The following LPA variants were observed in gnomAD, a reference collection of about 807,000 sequenced individuals.
LPA encodes lipoprotein(a).
In LPA, 199 loss-of-function variants were observed where a neutral mutation model predicts 197.9. The ratio of observed to expected loss-of-function variants is 1.01; its 90% CI spans 0.90 to 1.13. The LOEUF is 1.13. LPA is among the 50% of genes most tolerant of loss of function. LPA has a pLI of 0.00. For synonymous variants in LPA, 715 were observed against 639.5 expected (o/e 1.12, Z -1.78); for missense variants, 1,853 against 1,785.8 (o/e 1.04, Z -0.68).
intron 30 of LPA, among the ~76,000 whole-genome samples, chr6:160,550,463 G>T (rs1778150720): frequency 6.6e-6 from 1 of 152,194 alleles, no homozygotes; most frequent in African/African-American, 2.4e-5. Flanking sequence ...CAGCAAGCTG[G>T]TTCTCCAAGC....
At chr6:160,539,339 T>C (rs1164044983) in intron 36 of LPA, among the ~76,000 whole-genome samples, 3 of 152,148 alleles carry the variant, frequency 2.0e-5, no homozygotes, top group African/African-American at 7.2e-5. Flanking sequence ...TAAGCAAAGG[T>C]ATCACTTTGT....
At chr6:160,553,396 G>C (rs10945675) in intron 30 of LPA, among the ~76,000 whole-genome samples, 35,606 of 151,756 alleles carry the variant, frequency 0.23, 4,490 homozygotes, top group Non-Finnish European at 0.28. Flanking sequence ...TTGTTTTTTT[G>C]CTTGTTTCCT....
intron 26 of LPA, among the ~76,000 whole-genome samples, chr6:160,584,533 T>C (rs570517579): frequency 3.9e-5 from 6 of 152,060 alleles, no homozygotes; most frequent in African/African-American, 1.4e-4. Flanking sequence ...GGTTTTGCCA[T>C]GTTAGCCAGG....
intron 28 of LPA, among the ~76,000 whole-genome samples, chr6:160,576,690 GTATA>G (rs71033585): frequency 3.9e-4 from 30 of 76,650 alleles, no homozygotes; most frequent in East Asian, 1.6e-3. Flanking sequence ...GTGTGTGTGT[GTATA>G]TATATATATA....
At chr6:160,584,771 A>G (rs41272118) in intron 26 of LPA, among the ~76,000 whole-genome samples, 6,161 of 152,286 alleles carry the variant, frequency 0.04, 397 homozygotes, top group African/African-American at 0.14. Context: ...ACTTTGTCTC[A>G]GCATTTGGTC....
Position 160,547,835 on chromosome 6 carries a change from CTG to C in LPA, c.5256_5257del (p.His1752GlnfsTer9). On this transcript the variant is annotated frameshift_variant, in exon 32 of 39. Transcript: ENST00000316300. LOFTEE classifies it high-confidence loss of function. Reference sequence around the variant, plus strand: ...TTTATTTGTCCCTGGAATGAACGTGCTGTGTCTATGGGGCTCCTGGGCAGCCC... The same window carrying C: ...TTTATTTGTCCCTGGAATGAACGTGCTGTCTATGGGGCTCCTGGGCAGCCC... The C allele has an allele frequency of 6.2e-7, 1 of 1,614,120 alleles. No homozygotes were observed. The highest frequency in any genetic ancestry group is 8.5e-7 in the Non-Finnish European group (1 of 1,180,034).
chr6:160,601,617 T>G (rs980588090), intron 18 of LPA, among the ~76,000 whole-genome samples: 5 of 152,212 alleles, frequency 3.3e-5, no homozygotes, highest in Non-Finnish European at 5.9e-5. Context: ...TCTCATTCAA[T>G]GTACTCAAAA....
At chr6:160,662,266 A>T (rs1040741101) in intron 1 of LPA, among the ~76,000 whole-genome samples, 2 of 152,258 alleles carry the variant, frequency 1.3e-5, no homozygotes, top group Non-Finnish European at 2.9e-5. Context: ...GTATATTGCT[A>T]CTGAAGTAAA....
At chr6:160,574,017 TG>T (rs1230708793) in intron 28 of LPA, among the ~76,000 whole-genome samples, 1 of 152,008 alleles carries the variant, frequency 6.6e-6, no homozygotes, top group East Asian at 1.9e-4. Flanking sequence ...GACCATCAGT[TG>T]GGGGTGGGAC....
At chr6:160,664,049 C>T (rs1780268883) in intron 1 of LPA, 117 bp downstream of exon 1, 1 of 1,280,304 alleles carries the variant, frequency 7.8e-7, no homozygotes. Flanking sequence ...AGATTTTGAA[C>T]TGGGAATTTC....
chr6:160,608,829 G>T (rs1779417788), intron 16 of LPA, among the ~76,000 whole-genome samples: 1 of 151,736 alleles, frequency 6.6e-6, no homozygotes, highest in Admixed American at 6.6e-5. Context: ...TTGTGTGTGT[G>T]TGTGTGTGTG....
At chr6:160,564,720 A>G (rs900817955) in intron 28 of LPA, among the ~76,000 whole-genome samples, 1 of 152,210 alleles carries the variant, frequency 6.6e-6, no homozygotes, top group Non-Finnish European at 1.5e-5. Flanking sequence ...CGGGAAGTGT[A>G]AGGGGTCAGG....
Position 160,589,561 on chromosome 6 carries a change from G to C in LPA, c.3939C>G (p.Tyr1313Ter). ...AAAACTCAAAGACATACCCATTTGGGTAGTATTCTGTGGTTCTCTGATGCC... is the reference window on the plus strand; with the variant it reads ...AAAACTCAAAGACATACCCATTTGGCTAGTATTCTGTGGTTCTCTGATGCC... Reference protein sequence around the residue: ...PHWHQRTTEYYPNGGLTRNYC... With the variant: ...PHWHQRTTEY Residue 1313 changes from tyrosine (Y) to a stop codon, truncating the protein, a stop_gained, in exon 24 of 39, where the codon TAC becomes TAG. Coordinates refer to ENST00000316300, the MANE Select transcript of LPA (RefSeq NM_005577.4). LOFTEE classifies it high-confidence loss of function. The C allele has an allele frequency of 1.2e-6, 2 of 1,613,684 alleles. No homozygotes were observed. The highest frequency in any genetic ancestry group is 1.7e-6 in the Non-Finnish European group (2 of 1,179,804).
chr6:160,577,383 C>T lies in LPA; in HGVS notation c.4472-88G>A, dbSNP rs1340496436. The T allele has an allele frequency of 8.0e-6, 10 of 1,254,694 alleles. No individual in the cohort carries two copies. The East Asian group carries it at 1.9e-4, about 24-fold the overall frequency. The allele number at this position is 1,254,694 out of a possible 1,614,324, so 77.7% of individuals were successfully genotyped here. A position where few individuals can be genotyped will look rare whatever the true frequency, so the allele number is the denominator to read the frequency against. On this transcript the variant is annotated intron_variant, in intron 27 of 38. Coordinates refer to ENST00000316300, the MANE Select transcript of LPA (RefSeq NM_005577.4). The stretch of plus-strand genomic sequence containing the variant: ...ATTTATGTCACATACTGGACAGTAG[C>T]CTCTGAAAATTATTACTATTCTTTT...
In LPA at chr6:160,650,384, T is replaced by C. The variant is rs375385826; in HGVS notation, c.163A>G (p.Met55Val). 1.9e-5 allele frequency: 31 copies of C among 1,613,954 alleles called. No homozygotes were observed. The highest frequency in any genetic ancestry group is 1.8e-4 in the South Asian group (16 of 91,080). ...GTCCTATTATGTTGATGTGGTGTCA[T>C]AGATGACCAAGCTTGGCAGGTCCTT... is the stretch of plus-strand genomic sequence containing the variant. ...TGRTCQAWSS[M>V]TPHQHNRTTE... The change falls in exon 2 of 39, where the codon ATG becomes GTG. Residue 55 changes from methionine (M) to valine (V), a missense_variant. Met to Val is a conservative substitution (Grantham distance 21). Transcript: ENST00000316300.
intron 1 of LPA, among the ~76,000 whole-genome samples, chr6:160,661,064 G>A (rs980877070): frequency 5.3e-5 from 8 of 152,216 alleles, no homozygotes; most frequent in South Asian, 4.1e-4. Context: ...AGGCTACTGA[G>A]CATCCCCTGT....
chr6:160,647,089 T>C (rs1334057833), intron 2 of LPA, among the ~76,000 whole-genome samples: 2 of 152,202 alleles, frequency 1.3e-5, no homozygotes, highest in African/African-American at 4.8e-5. Flanking sequence ...GCAGTATCTC[T>C]AGAATGGGTT....
rs775423188 is a variant in LPA at position 160,557,488 on chromosome 6, T to G, written c.4715A>C (p.Glu1572Ala). Reference sequence around the variant, plus strand: ...TGAGCATTGTGTCAGATTGCAGTACTCCCACCTCACACACGGATCGGTTGT... The same window carrying G: ...TGAGCATTGTGTCAGATTGCAGTACGCCCACCTCACACACGGATCGGTTGT... ...CYTTDPCVRWEYCNLTQCSET... is the reference protein window; with the variant it reads ...CYTTDPCVRWAYCNLTQCSET... Residue 1572 changes from glutamate (E) to alanine (A), a missense_variant, in exon 29 of 39, where the codon GAG becomes GCG. By Grantham distance (107) the Glu-to-Ala change is moderately radical. This residue lies in a region of LPA where 1,737 missense variants were observed against 1,504.4 expected (regional missense o/e 1.15). Coordinates refer to ENST00000316300, the MANE Select transcript of LPA (RefSeq NM_005577.4). 1 of 1,614,098 alleles carries G rather than the reference T, an allele frequency of 6.2e-7. No homozygotes were observed. The highest frequency in any genetic ancestry group is 1.1e-5 in the South Asian group (1 of 91,066).
intron 16 of LPA, among the ~76,000 whole-genome samples, chr6:160,611,277 G>A (rs1197405137): frequency 5.3e-5 from 8 of 152,084 alleles, no homozygotes; most frequent in African/African-American, 1.7e-4. Context: ...TGTTGGGCAA[G>A]GGTAATCTAA....
Sources: allele counts gnomAD v4.1 joint callset (sites outside exome capture counted in the v4.1 genomes callset), GRCh38; gene constraint gnomAD v4.1.1; regional missense constraint gnomAD v4.1.1; transcripts MANE v1.5; gene names NCBI Gene and HGNC (gene_info 2026-07-23, HGNC 2026-07-21).